PRMT3: variants seen among roughly 807,000 people sequenced by gnomAD.
The protein encoded by PRMT3 is protein arginine methyltransferase 3.
PRMT3 carries 62 observed loss-of-function variants against 71.9 expected under a neutral mutation model. That is an observed-to-expected ratio of 0.86 (90% confidence interval 0.70 to 1.07). The LOEUF (loss-of-function observed/expected upper bound fraction) is 1.07. Ranked by LOEUF, PRMT3 falls within the 50% of genes least tolerant of loss-of-function variation. PRMT3 has a pLI of 0.00. For synonymous variants in PRMT3, 213 were observed against 220.4 expected, an observed-to-expected ratio of 0.97 and a Z score of 0.30; for missense variants, 663 against 643.0, an observed-to-expected ratio of 1.03 and a Z score of -0.34.
intron 10 of PRMT3, among the ~76,000 whole-genome samples, chr11:20,440,555 G>A (rs958187781): frequency 4.0e-5 from 6 of 149,248 alleles, no homozygotes; most frequent in African/African-American, 1.5e-4. Flanking sequence ...AAGAAATTCT[G>A]TCATAAAAAG....
Position 20,441,263 on chromosome 11 carries a change from TTTTATTTATTTATTTATTTA to T in PRMT3, c.994-10833_994-10814del, listed in dbSNP as rs3044625. On this transcript the variant is annotated intron_variant, in intron 10 of 15. Coordinates refer to ENST00000331079, the MANE Select transcript of PRMT3 (RefSeq NM_005788.4). ...TCCTACAGACCAGATGTTACTAACT[TTTTATTTATTTATTTATTTA>T]TTTATTTATTTATTTATTTATTTAT... is the stretch of plus-strand genomic sequence containing the variant. Among the ~76,000 whole-genome samples the T allele has an allele frequency of 1.2e-3, 169 of 138,138 alleles. 2 individuals carry two copies. The highest frequency in any genetic ancestry group is 2.9e-3 in the Admixed American group (39 of 13,672). 90.6% of individuals were successfully genotyped at this position (138,138 alleles called of 152,430 possible).
intron 9 of PRMT3, among the ~76,000 whole-genome samples, chr11:20,413,007 T>C (rs1849228524): frequency 6.6e-6 from 1 of 152,166 alleles, no homozygotes; most frequent in Admixed American, 6.6e-5. Context: ...AGTTTGCAAT[T>C]CCTTATCTCC....
At chr11:20,456,908 C>A (rs563336051) in intron 11 of PRMT3, among the ~76,000 whole-genome samples, 1 of 152,126 alleles carries the variant, frequency 6.6e-6, no homozygotes, top group African/African-American at 2.4e-5. Context: ...GAGTCTGTCC[C>A]TGTCACCCAG....
chr11:20,459,078 T>C (rs1197530921), intron 11 of PRMT3, among the ~76,000 whole-genome samples: 1 of 152,116 alleles, frequency 6.6e-6, no homozygotes, highest in Non-Finnish European at 1.5e-5. Context: ...CACTGTAGTG[T>C]AGTGTGGCCA....
intron 10 of PRMT3, among the ~76,000 whole-genome samples, chr11:20,451,679 G>T (rs1412757565): frequency 6.6e-6 from 1 of 152,008 alleles, no homozygotes; most frequent in Non-Finnish European, 1.5e-5. Flanking sequence ...CACAGTAGAT[G>T]CCAGTAGCAT....
intron 13 of PRMT3, among the ~76,000 whole-genome samples, chr11:20,477,820 C>T (rs1850832460): frequency 7.5e-6 from 1 of 133,512 alleles, no homozygotes; most frequent in Non-Finnish European, 1.6e-5. Flanking sequence ...CCCCCACTTC[C>T]TGTTTTGCAG....
intron 13 of PRMT3, among the ~76,000 whole-genome samples, chr11:20,472,576 T>C (rs1044235548): frequency 1.3e-5 from 2 of 152,156 alleles, no homozygotes; most frequent in African/African-American, 4.8e-5. Context: ...AGTTTGCCAA[T>C]ATTTTGTTGA....
In PRMT3 at chr11:20,402,897, C is replaced by T. The variant is rs1370521225; in HGVS notation, c.706-22C>T. The T allele has an allele frequency of 1.8e-5, 29 of 1,580,058 alleles. No individual in the cohort carries two copies. In the Admixed American group the frequency reaches 3.2e-4, roughly 17 times the overall value. On this transcript the variant is annotated intron_variant, in intron 7 of 15. Transcript: ENST00000331079. ...TGTTTAGACTGTCCTATAAACACAG[C>T]GTTTTCCTCTCTCCACCCTAGGACA...
intron 13 of PRMT3, among the ~76,000 whole-genome samples, chr11:20,493,688 C>G (rs1851263993): frequency 6.6e-6 from 1 of 152,170 alleles, no homozygotes; most frequent in Non-Finnish European, 1.5e-5. Flanking sequence ...ATAAAATGTA[C>G]TAATTATTTG....
intron 7 of PRMT3, among the ~76,000 whole-genome samples, chr11:20,400,124 A>T (rs1184455323): frequency 2.0e-5 from 3 of 152,206 alleles, no homozygotes; most frequent in African/African-American, 7.2e-5. Flanking sequence ...GCACACATAA[A>T]CTGTTCAAGG....
At chr11:20,453,395 G>A (rs1850196318) in intron 11 of PRMT3, among the ~76,000 whole-genome samples, 1 of 149,440 alleles carries the variant, frequency 6.7e-6, no homozygotes, top group African/African-American at 2.5e-5. Context: ...CAGGAGAATT[G>A]CTTGAACCCG....
At chr11:20,463,574 CTTT>C (rs59723081) in intron 12 of PRMT3, among the ~76,000 whole-genome samples, 36 of 148,944 alleles carry the variant, frequency 2.4e-4, no homozygotes, top group African/African-American at 8.6e-4. Context: ...TGTATGTACT[CTTT>C]TTTTTTTTTT....
Position 20,426,869 on chromosome 11 carries a change from A to C in PRMT3, c.993+4A>C. 1 of 1,523,172 alleles carries C rather than the reference A, an allele frequency of 6.6e-7. No homozygotes were observed. The highest frequency in any genetic ancestry group is 8.7e-7 in the Non-Finnish European group (1 of 1,147,850). The allele number at this position is 1,523,172 out of a possible 1,614,324, so 94.4% of individuals were successfully genotyped here. A position where few individuals can be genotyped will look rare whatever the true frequency, so the allele number is the denominator to read the frequency against. ...TGTTATCATATCTGAGTGGATGGTG[A>C]GTGTTTATAGAAAAAACTACTTTCA... On this transcript the variant is annotated splice_donor_region_variant and intron_variant, in intron 10 of 15. Transcript: ENST00000331079.
chr11:20,429,332 C>G (rs1815231117), intron 10 of PRMT3, among the ~76,000 whole-genome samples: 1 of 152,208 alleles, frequency 6.6e-6, no homozygotes, highest in South Asian at 2.1e-4. Flanking sequence ...GCTGATCTGA[C>G]AGGAGGCGGA....
chr11:20,393,509 T>C (rs1283994407), intron 5 of PRMT3, among the ~76,000 whole-genome samples: 2 of 152,222 alleles, frequency 1.3e-5, no homozygotes, highest in African/African-American at 4.8e-5. Flanking sequence ...ATAATTGTTA[T>C]ATTTTACTGA....
intron 13 of PRMT3, among the ~76,000 whole-genome samples, chr11:20,488,299 T>C (rs1220402210): frequency 1.3e-5 from 2 of 152,192 alleles, no homozygotes; most frequent in South Asian, 2.1e-4. Context: ...GTATAGCTTA[T>C]GTTTGTATTT....
At chr11:20,497,530 T>C (rs1328497600) in intron 15 of PRMT3, among the ~76,000 whole-genome samples, 1 of 152,088 alleles carries the variant, frequency 6.6e-6, no homozygotes, top group Non-Finnish European at 1.5e-5. Context: ...TTAACACTTT[T>C]TGTTGTTCTG....
At chr11:20,492,663 A>C (rs186640655) in intron 13 of PRMT3, among the ~76,000 whole-genome samples, 2 of 152,346 alleles carry the variant, frequency 1.3e-5, no homozygotes, top group Non-Finnish European at 2.9e-5. Context: ...AAAAGTGATT[A>C]AGTCCAGCTA....
intron 7 of PRMT3, among the ~76,000 whole-genome samples, chr11:20,399,903 T>C (rs1484664959): frequency 1.3e-5 from 2 of 152,214 alleles, no homozygotes. Context: ...CACTTAAATA[T>C]CATTCTTTGT....
Sources: allele counts gnomAD v4.1 joint callset (sites outside exome capture counted in the v4.1 genomes callset), GRCh38; gene constraint gnomAD v4.1.1; transcripts MANE v1.5; gene names NCBI Gene and HGNC (gene_info 2026-07-23, HGNC 2026-07-21).